The following PTPRG variants were observed in gnomAD, a reference collection of about 807,000 sequenced individuals.
PTPRG encodes the protein receptor-type tyrosine-protein phosphatase gamma.
In PTPRG, 102 loss-of-function variants were observed where a neutral mutation model predicts 165.3. The observed-to-expected ratio is 0.62, with a 90% confidence interval of 0.53 to 0.73. The LOEUF (loss-of-function observed/expected upper bound fraction) is 0.73. Ranked by LOEUF, PTPRG falls within the 30% of genes least tolerant of loss-of-function variation. The pLI, the probability that PTPRG is intolerant of heterozygous loss-of-function variation, is 0.00. For missense variants in PTPRG, 1,866 were observed against 1,861.4 expected (o/e 1.00, Z -0.05); for synonymous variants, 675 against 669.5 (o/e 1.01, Z -0.13).
At chr3:61,992,344 T>C (rs1459281011) in intron 3 of PTPRG, among the ~76,000 whole-genome samples, 1 of 152,154 alleles carries the variant, frequency 6.6e-6, no homozygotes, top group Non-Finnish European at 1.5e-5. Flanking sequence ...TTAACACTAA[T>C]AGAAACTTCC....
At chr3:62,095,201 GCAGA>G (rs1263811951) in intron 5 of PTPRG, among the ~76,000 whole-genome samples, 4 of 152,202 alleles carry the variant, frequency 2.6e-5, no homozygotes, top group African/African-American at 9.6e-5. Flanking sequence ...CAGTTGTTAA[GCAGA>G]CAGTCTTGGT....
chr3:61,849,598 T>C (rs2036903822), intron 2 of PTPRG, among the ~76,000 whole-genome samples: 1 of 152,142 alleles, frequency 6.6e-6, no homozygotes, highest in Admixed American at 6.6e-5. Flanking sequence ...CTTAATGAAA[T>C]AGGTGATGAT....
At chr3:62,096,309 G>A (rs562501461) in intron 5 of PTPRG, among the ~76,000 whole-genome samples, 1 of 152,174 alleles carries the variant, frequency 6.6e-6, no homozygotes, top group Non-Finnish European at 1.5e-5. Flanking sequence ...CAGGTCAGAA[G>A]GGGCTTTAGA....
At chr3:62,054,726 T>C (rs994833379) in intron 4 of PTPRG, among the ~76,000 whole-genome samples, 1 of 152,232 alleles carries the variant, frequency 6.6e-6, no homozygotes, top group African/African-American at 2.4e-5. Context: ...CTTTTTTGAG[T>C]TATATTTTGC....
chr3:61,565,381 T>C (rs1488034932), intron 1 of PTPRG, among the ~76,000 whole-genome samples: 11 of 152,066 alleles, frequency 7.2e-5, no homozygotes, highest in Admixed American at 7.2e-4. Context: ...TTTACAAAAA[T>C]AGCAAAATAT....
At position 61,720,185 on chromosome 3, in the gene PTPRG, AG is replaced by A. The variant is rs2031988867; in HGVS notation, c.86-28691del. On this transcript the variant is annotated intron_variant, in intron 1 of 29. Coordinates refer to ENST00000474889, the MANE Select transcript of PTPRG (RefSeq NM_002841.4). Reference sequence around the variant, plus strand: ...CAGGCTGGAGCTGGAGTGCAGTGGCAGGATCTTGGCTCACCACTGCCTCCAC... The same window carrying A: ...CAGGCTGGAGCTGGAGTGCAGTGGCAGATCTTGGCTCACCACTGCCTCCAC... 3.3e-5 allele frequency among the ~76,000 whole-genome samples: 5 copies of A among 151,464 alleles called. No homozygotes were observed. In the South Asian group the frequency reaches 8.4e-4, roughly 25 times the overall value.
chr3:61,897,594 A>G (rs1242312812), intron 2 of PTPRG, among the ~76,000 whole-genome samples: 1 of 152,128 alleles, frequency 6.6e-6, no homozygotes, highest in Non-Finnish European at 1.5e-5. Flanking sequence ...TAGAAGTTTT[A>G]TAGTCTTGTG....
chr3:62,024,059 G>T (rs1349741325), intron 4 of PTPRG, among the ~76,000 whole-genome samples: 1 of 152,138 alleles, frequency 6.6e-6, no homozygotes, highest in Admixed American at 6.5e-5. Flanking sequence ...CAAGGCTGTT[G>T]TAAGAGTGTC....
intron 2 of PTPRG, among the ~76,000 whole-genome samples, chr3:61,935,788 T>C (rs1191899706): frequency 8.2e-6 from 1 of 122,310 alleles, no homozygotes; most frequent in East Asian, 2.0e-4. Flanking sequence ...CTTAGAATTA[T>C]ATTAATATTA....
At chr3:62,135,283 A>G (rs1342827340) in intron 6 of PTPRG, among the ~76,000 whole-genome samples, 2 of 151,808 alleles carry the variant, frequency 1.3e-5, no homozygotes, top group East Asian at 1.9e-4. Context: ...AAAAAAAAAA[A>G]AAAGAAATAA....
chr3:62,155,277 T>C (rs1293828820), intron 6 of PTPRG, among the ~76,000 whole-genome samples: 1 of 152,238 alleles, frequency 6.6e-6, no homozygotes, highest in Non-Finnish European at 1.5e-5. Context: ...ATAACTGCTG[T>C]TACTTCGCTG....
chr3:61,959,328 A>G (rs2040099775), intron 2 of PTPRG, among the ~76,000 whole-genome samples: 1 of 152,158 alleles, frequency 6.6e-6, no homozygotes, highest in African/African-American at 2.4e-5. Flanking sequence ...TCAGGCTCCC[A>G]AGCCAGCGGT....
At position 61,966,722 on chromosome 3, in the gene PTPRG, C is replaced by T. The variant is rs370686298; in HGVS notation, c.191-22903C>T. Among the ~76,000 whole-genome samples, 284 of 152,108 alleles carry T rather than the reference C, an allele frequency of 1.9e-3. 1 individual carries two copies. Among genetic ancestry groups the T allele is most frequent in the African/African-American group, 6.6e-3 (272 of 41,506 alleles). The stretch of plus-strand genomic sequence containing the variant: ...TACACTCTGTGGGAACAATGGGAAG[C>T]CAAATAGACAGGTGGCTCTAGAATT... On this transcript the variant is annotated intron_variant, in intron 2 of 29. Transcript: ENST00000474889.
rs1039788073 is a variant in PTPRG at position 62,229,161 on chromosome 3, A to G, written c.2289-2064A>G. On this transcript the variant is annotated intron_variant, in intron 13 of 29. Transcript: ENST00000474889. This position sits in a 1 kb window ranked among gnomAD's most constrained non-coding sequence, Gnocchi z 4.6. Reference sequence around the variant, plus strand: ...TATGACGACACCCTGGTGTTAAACTATCTTGCTCTGAGATGCTAAAAGAGA... The same window carrying G: ...TATGACGACACCCTGGTGTTAAACTGTCTTGCTCTGAGATGCTAAAAGAGA... Among the ~76,000 whole-genome samples, 4 of 152,148 alleles carry G rather than the reference A, an allele frequency of 2.6e-5. No individual in the cohort carries two copies. The South Asian group carries it at 8.3e-4, about 32-fold the overall frequency.
chr3:61,832,139 C>A (rs1455382580), intron 2 of PTPRG, among the ~76,000 whole-genome samples: 1 of 152,148 alleles, frequency 6.6e-6, no homozygotes, highest in African/African-American at 2.4e-5. Flanking sequence ...GGGTGCTTTG[C>A]ATGCACAATT....
At chr3:62,241,202 G>A (rs969767782) in intron 14 of PTPRG, among the ~76,000 whole-genome samples, 6 of 152,136 alleles carry the variant, frequency 3.9e-5, no homozygotes, top group African/African-American at 1.4e-4. Context: ...TGCTTAGCCA[G>A]GCTTAAGGAA....
intron 3 of PTPRG, among the ~76,000 whole-genome samples, chr3:61,995,370 A>G (rs1367892679): frequency 6.6e-6 from 1 of 152,108 alleles, no homozygotes; most frequent in Non-Finnish European, 1.5e-5. Flanking sequence ...GATTACAGGC[A>G]TGAGCCACTG....
intron 2 of PTPRG, among the ~76,000 whole-genome samples, chr3:61,836,296 T>C (rs2036459892): frequency 6.6e-6 from 1 of 152,190 alleles, no homozygotes; most frequent in South Asian, 2.1e-4. Flanking sequence ...ACCTCTCTGA[T>C]TCATGTACCC....
At chr3:61,608,112 G>A (rs371856157) in intron 1 of PTPRG, among the ~76,000 whole-genome samples, 2 of 152,040 alleles carry the variant, frequency 1.3e-5, no homozygotes, top group East Asian at 1.9e-4. Context: ...TCTCTGGTCC[G>A]CAACTTGCCA....
Sources: gnomAD v4.1 joint callset for allele counts (sites outside exome capture counted in the v4.1 genomes callset) on GRCh38, gnomAD v4.1.1 for gene constraint, Gnocchi (gnomAD v3.1) non-coding constraint, MANE v1.5 for transcripts, NCBI Gene and HGNC (gene_info 2026-07-23, HGNC 2026-07-21) for gene names.